Variants in PLD5 observed in about 807,000 individuals in gnomAD.
PLD5 encodes the protein inactive phospholipase D5.
A neutral mutation model predicts 61.1 loss-of-function variants in PLD5; 36 were observed. The observed-to-expected ratio is 0.59, with a 90% CI of 0.45 to 0.78. The LOEUF (loss-of-function observed/expected upper bound fraction) is 0.78. Ranked by LOEUF, PLD5 falls within the 30% of genes least tolerant of loss-of-function variation. PLD5 has a pLI of 0.00. For synonymous variants in PLD5, 243 were observed against 242.8 expected (o/e 1.00, Z -0.01); for missense variants, 515 against 644.4 (o/e 0.80, Z 2.17).
chr1:242,524,075 G>A lies in PLD5; in HGVS notation c.189+13C>T, dbSNP rs1669365430. The A allele has an allele frequency of 2.6e-6, 4 of 1,531,190 alleles. No homozygotes were observed. The highest frequency in any genetic ancestry group is 3.5e-6 in the Non-Finnish European group (4 of 1,144,452). The allele number at this position is 1,531,190 out of a possible 1,614,324, so 94.9% of individuals were successfully genotyped here. A position where few individuals can be genotyped will look rare whatever the true frequency, so the allele number is the denominator to read the frequency against. ...GTGCCTGGCCGAGGCCCCCGGGAGCGAGTCGCCCTTACGTGCTCCAGCTTG... is the reference window on the plus strand; with the variant it reads ...GTGCCTGGCCGAGGCCCCCGGGAGCAAGTCGCCCTTACGTGCTCCAGCTTG... On this transcript the variant is annotated intron_variant, in intron 1 of 9. Transcript: ENST00000536534.
chr1:242,164,167 GAAAAAAA>G (rs34329270), intron 5 of PLD5, among the ~76,000 whole-genome samples: 1 of 145,822 alleles, frequency 6.9e-6, no homozygotes, highest in Non-Finnish European at 1.5e-5. Context: ...TCTGAATGCA[GAAAAAAA>G]AAAAAGAAAT....
chr1:242,446,457 G>A (rs1666543090), intron 1 of PLD5, among the ~76,000 whole-genome samples: 1 of 152,026 alleles, frequency 6.6e-6, no homozygotes. Context: ...TGCAGTCCCG[G>A]CTACTCAGGA....
chr1:242,162,720 G>C (rs531800205), intron 5 of PLD5, among the ~76,000 whole-genome samples: 1 of 152,106 alleles, frequency 6.6e-6, no homozygotes, highest in Non-Finnish European at 1.5e-5. Flanking sequence ...AAAAAGCTAC[G>C]AGAAGTTTTT....
intron 4 of PLD5, among the ~76,000 whole-genome samples, chr1:242,253,115 CTTTTTT>C (rs35097685): frequency 1.4e-5 from 1 of 73,192 alleles, no homozygotes. Flanking sequence ...GTGTATGGCC[CTTTTTT>C]TTTTTTTTTT....
At chr1:242,203,483 G>A (rs1026361214) in intron 5 of PLD5, 1 of 152,388 alleles carries the variant, frequency 6.6e-6, no homozygotes, top group African/African-American at 2.4e-5. Context: ...AGTGTTGGAG[G>A]AGGGGCCTCG....
chr1:242,454,856 A>T (rs1666897787), intron 1 of PLD5, among the ~76,000 whole-genome samples: 1 of 152,192 alleles, frequency 6.6e-6, no homozygotes, highest in Non-Finnish European at 1.5e-5. Flanking sequence ...ATCTTTGCAG[A>T]TCGTCACAGT....
chr1:242,167,128 T>C (rs905350547), intron 5 of PLD5, among the ~76,000 whole-genome samples: 2 of 150,340 alleles, frequency 1.3e-5, no homozygotes, highest in Middle Eastern at 3.2e-3. Flanking sequence ...ATAGTAGCCA[T>C]GTTGGCTAGT....
chr1:242,465,647 G>T (rs1000831905), intron 1 of PLD5, among the ~76,000 whole-genome samples: 2 of 152,042 alleles, frequency 1.3e-5, no homozygotes, highest in African/African-American at 4.8e-5. Flanking sequence ...TGCCAGGCAC[G>T]GCCGGGCACA....
At chr1:242,307,636 T>C (rs908574512) in intron 2 of PLD5, among the ~76,000 whole-genome samples, 4 of 152,238 alleles carry the variant, frequency 2.6e-5, no homozygotes, top group African/African-American at 9.6e-5. Flanking sequence ...TCTCACACTG[T>C]GTGTATGTGA....
chr1:242,325,561 G>A (rs1471630061), intron 2 of PLD5, among the ~76,000 whole-genome samples: 6 of 151,928 alleles, frequency 3.9e-5, no homozygotes, highest in Non-Finnish European at 5.9e-5. Flanking sequence ...GCAGTGGCGC[G>A]ATCTCGGCTC....
intron 4 of PLD5, chr1:242,235,844 G>GCTCT (rs1553332976): frequency 6.6e-6 from 1 of 151,988 alleles, no homozygotes; most frequent in African/African-American, 2.4e-5. Flanking sequence ...TTTTAGTGTA[G>GCTCT]TTCTCGTGTC....
chr1:242,375,118 G>GT (rs1319844310), intron 1 of PLD5, among the ~76,000 whole-genome samples: 7 of 152,124 alleles, frequency 4.6e-5, no homozygotes, highest in African/African-American at 1.7e-4. Context: ...CCCGAGCTGC[G>GT]TAACCATCCA....
At position 242,083,744 on chromosome 1, in the gene PLD5, A is replaced by ATATTTGATCAAATATGATC; in HGVS notation, c.*6109_*6110insGATCATATTTGATCAAATA. ...AATTGTAGATTACGCTCTGATTTGA[A>ATATTTGATCAAATATGATC]TGTTATTGGATCATATTTTCTGAGT... On this transcript the variant is annotated 3_prime_UTR_variant, in exon 10 of 10. Coordinates refer to ENST00000536534, the MANE Select transcript of PLD5 (RefSeq NM_001372062.1). The ATATTTGATCAAATATGATC allele has an allele frequency of 1.3e-5, 2 of 152,340 alleles. No homozygotes were observed. The highest frequency in any genetic ancestry group is 4.8e-5 in the African/African-American group (2 of 41,592). The allele number at this position is 152,340 out of a possible 1,614,324, so 9.4% of individuals were successfully genotyped here.
chr1:242,265,610 GTT>G (rs1377474219), intron 3 of PLD5, among the ~76,000 whole-genome samples, 162 bp from the exon 4 acceptor site: 8 of 152,268 alleles, frequency 5.3e-5, no homozygotes, highest in Non-Finnish European at 1.0e-4. Flanking sequence ...TTTCAAAAGA[GTT>G]TATATCAATA....
intron 1 of PLD5, among the ~76,000 whole-genome samples, chr1:242,519,840 C>T (rs1182125788): frequency 1.3e-5 from 2 of 152,182 alleles, no homozygotes; most frequent in South Asian, 2.1e-4. Context: ...ACTCACTTAG[C>T]GTCCAGGATC....
At chr1:242,413,943 A>C (rs1374469138) in intron 1 of PLD5, among the ~76,000 whole-genome samples, 1 of 152,200 alleles carries the variant, frequency 6.6e-6, no homozygotes, top group Non-Finnish European at 1.5e-5. Context: ...TTTGTCCTGC[A>C]GATAACAGGG....
chr1:242,222,476 G>T (rs372187212), intron 4 of PLD5, among the ~76,000 whole-genome samples: 2 of 152,156 alleles, frequency 1.3e-5, no homozygotes, highest in African/African-American at 4.8e-5. Flanking sequence ...GCCTTCCCCT[G>T]CTCTCTTATT....
At chr1:242,219,311 A>C (rs1370963279) in intron 5 of PLD5, among the ~76,000 whole-genome samples, 2 of 152,032 alleles carry the variant, frequency 1.3e-5, no homozygotes, top group Non-Finnish European at 1.5e-5. Flanking sequence ...GCCGGGGAGG[A>C]GACAATATCT....
intron 6 of PLD5, among the ~76,000 whole-genome samples, chr1:242,114,598 G>T (rs756630096): frequency 1.3e-5 from 2 of 152,194 alleles, no homozygotes; most frequent in Non-Finnish European, 2.9e-5. Context: ...ATTTACAGCC[G>T]CTCCCCCTTG....
Sources: allele counts gnomAD v4.1 joint callset (sites outside exome capture counted in the v4.1 genomes callset), GRCh38; gene constraint gnomAD v4.1.1; transcripts MANE v1.5; gene names NCBI Gene and HGNC (gene_info 2026-07-23, HGNC 2026-07-21).